SPTBN1: variants seen among roughly 807,000 people sequenced by gnomAD.
SPTBN1 encodes the protein spectrin beta, non-erythrocytic 1.
A neutral mutation model predicts 266.4 loss-of-function variants in SPTBN1; 32 were observed. The observed-to-expected ratio is 0.12, with a 90% confidence interval of 0.09 to 0.16. SPTBN1 has a LOEUF of 0.16. Among genes scored for constraint, SPTBN1 ranks in the 10% least tolerant of loss-of-function variants. SPTBN1 has a pLI of 1.00. For missense variants in SPTBN1, 2,296 were observed against 3,067.1 expected (o/e 0.75, Z 5.94); for synonymous variants, 1,336 against 1,162.2 (o/e 1.15, Z -3.04).
At chr2:54,459,883 T>C (rs902111376) in intron 1 of SPTBN1, among the ~76,000 whole-genome samples, 1 of 152,232 alleles carries the variant, frequency 6.6e-6, no homozygotes, top group African/African-American at 2.4e-5. Context: ...AGACCTAGTT[T>C]AGTACTCTGA....
In SPTBN1 at chr2:54,623,509, G is replaced by A. The variant is rs1678128263; in HGVS notation, c.1095G>A (p.Leu365=). Residue 365 remains leucine, a synonymous_variant, in exon 10 of 36, where the codon CTG becomes CTA. Transcript: ENST00000356805. ...CTGAGAAGGGGAACTTGGAAGTGCTGCTCTTCACCATTCAGAGCAAGATGA... is the reference window on the plus strand; with the variant it reads ...CTGAGAAGGGGAACTTGGAAGTGCTACTCTTCACCATTCAGAGCAAGATGA... ...KFTEKGNLEV[L]LFTIQSKMRA... The A allele has an allele frequency of 6.2e-7, 1 of 1,613,962 alleles. No homozygotes were observed. Among genetic ancestry groups the A allele is most frequent in the African/African-American group, 1.3e-5 (1 of 74,892 alleles).
At chr2:54,523,481 T>A (rs1670611046) in intron 1 of SPTBN1, among the ~76,000 whole-genome samples, 1 of 152,158 alleles carries the variant, frequency 6.6e-6, no homozygotes, top group African/African-American at 2.4e-5. Context: ...TTGGATAGCA[T>A]GTGAGAAAAC....
chr2:54,593,109 T>C (rs966461078), intron 2 of SPTBN1, among the ~76,000 whole-genome samples: 1 of 152,218 alleles, frequency 6.6e-6, no homozygotes, highest in African/African-American at 2.4e-5. Context: ...GAATCTGATG[T>C]AAATGCCACT....
intron 2 of SPTBN1, among the ~76,000 whole-genome samples, chr2:54,595,917 G>A (rs1676050944): frequency 6.6e-6 from 1 of 152,168 alleles, no homozygotes; most frequent in African/African-American, 2.4e-5. Context: ...ACTGCTAAAT[G>A]TGCCGAGGAA....
intron 2 of SPTBN1, among the ~76,000 whole-genome samples, chr2:54,586,145 G>A (rs1052045347): frequency 5.3e-5 from 8 of 152,112 alleles, no homozygotes; most frequent in Admixed American, 4.6e-4. Context: ...GTGTGGTTTG[G>A]AGACGACTTT....
rs1679684652 is a variant in SPTBN1 at position 54,643,088 on chromosome 2, G to C, written c.3964G>C (p.Glu1322Gln). The stretch of plus-strand genomic sequence containing the variant: ...GTTGAAGCATCAAGCATTTATGGCA[G>C]AACTTGCATCCAACAAAGAATGGCT... ...KWLKHQAFMAELASNKEWLDK... is the reference protein window; with the variant it reads ...KWLKHQAFMAQLASNKEWLDK... The change falls in exon 19 of 36, where the codon GAA becomes CAA. Residue 1322 changes from glutamate (E) to glutamine (Q), a missense_variant. Physicochemically the swap from Glu to Gln is conservative, Grantham distance 29. Around this residue, in one of 12 missense-constraint regions of SPTBN1, gnomAD observed 386 missense variants for 486.1 expected, o/e 0.79. Coordinates refer to ENST00000356805, the MANE Select transcript of SPTBN1 (RefSeq NM_003128.3). 2 of 1,614,212 alleles carry C rather than the reference G, an allele frequency of 1.2e-6. No homozygotes were observed. Among genetic ancestry groups the C allele is most frequent in the Non-Finnish European group, 1.7e-6 (2 of 1,180,018 alleles).
chr2:54,655,889 C>A (rs375728078), intron 28 of SPTBN1, 25 bp from the exon 29 acceptor site: 22 of 1,587,130 alleles, frequency 1.4e-5, no homozygotes, highest in Non-Finnish European at 1.9e-5. Context: ...ATTAAGATGT[C>A]CCGGGGATCC....
intron 12 of SPTBN1, among the ~76,000 whole-genome samples, chr2:54,627,258 G>A (rs779080182): frequency 6.6e-6 from 1 of 152,124 alleles, no homozygotes; most frequent in Non-Finnish European, 1.5e-5. Flanking sequence ...AGAAATGTTC[G>A]TAAAATGTAG....
chr2:54,646,663 T>C lies in SPTBN1; in HGVS notation c.4866+188T>C, dbSNP rs912857545. Among the ~76,000 whole-genome samples the C allele has an allele frequency of 6.6e-6, 1 of 152,248 alleles. No individual in the cohort carries two copies. On this transcript the variant is annotated intron_variant, in intron 23 of 35. Coordinates refer to ENST00000356805, the MANE Select transcript of SPTBN1 (RefSeq NM_003128.3). This position sits in a 1 kb window ranked among gnomAD's most constrained non-coding sequence, Gnocchi z 4.4. ...TTCCCTTTGGTGCAGCATTTTCTTA[T>C]CTGAATCCTAGTGTGCCATTAAGAA...
rs1170035361 is a variant in SPTBN1, at chr2:54,505,394, G to A, written c.-47-20978G>A. ...GTCATTATTTAAACATTGTTTCAGTGTGTGCTGTGAAAACAACAACAATAA... is the reference window on the plus strand; with the variant it reads ...GTCATTATTTAAACATTGTTTCAGTATGTGCTGTGAAAACAACAACAATAA... On this transcript the variant is annotated intron_variant, in intron 1 of 35. Coordinates refer to ENST00000356805, the MANE Select transcript of SPTBN1 (RefSeq NM_003128.3). Among the ~76,000 whole-genome samples the A allele has an allele frequency of 2.6e-5, 4 of 152,292 alleles. No homozygotes were observed. The East Asian group carries it at 7.7e-4, about 29-fold the overall frequency.
At chr2:54,620,285 C>T (rs1358861089) in intron 7 of SPTBN1, among the ~76,000 whole-genome samples, 1 of 152,048 alleles carries the variant, frequency 6.6e-6, no homozygotes, top group Admixed American at 6.5e-5. Flanking sequence ...ATACAAAGCC[C>T]CAAGGGAATA....
chr2:54,665,593 G>A (rs1444084831), intron 33 of SPTBN1, among the ~76,000 whole-genome samples: 2 of 152,170 alleles, frequency 1.3e-5, no homozygotes, highest in East Asian at 1.9e-4. Context: ...ATAAGAGGGC[G>A]CTACAGCAAA....
intron 18 of SPTBN1, among the ~76,000 whole-genome samples, chr2:54,638,882 G>A (rs764292684): frequency 3.3e-5 from 5 of 152,164 alleles, no homozygotes; most frequent in African/African-American, 1.2e-4. Context: ...AAAGAAATAC[G>A]GCTCCAGTGA....
At chr2:54,522,837 A>G (rs1670568739) in intron 1 of SPTBN1, among the ~76,000 whole-genome samples, 2 of 152,032 alleles carry the variant, frequency 1.3e-5, no homozygotes, top group African/African-American at 4.8e-5. Flanking sequence ...GGTGCGGTGG[A>G]TGTTGCAGCG....
At chr2:54,479,717 A>T (rs1050203792) in intron 1 of SPTBN1, among the ~76,000 whole-genome samples, 4 of 152,218 alleles carry the variant, frequency 2.6e-5, no homozygotes, top group African/African-American at 9.6e-5. Context: ...AAACATGTAA[A>T]GTTTTGCAAT....
intron 16 of SPTBN1, among the ~76,000 whole-genome samples, chr2:54,632,077 T>TAAAAAA (rs34563622): frequency 8.3e-6 from 1 of 120,856 alleles, no homozygotes; most frequent in Non-Finnish European, 1.7e-5. Context: ...CCCTGTCTCT[T>TAAAAAA]AAAAAAAAAA....
At position 54,460,063 on chromosome 2, in the gene SPTBN1, A is replaced by G. The variant is rs149385446; in HGVS notation, c.-48+3545A>G. Among the ~76,000 whole-genome samples the G allele has an allele frequency of 4.7e-3, 717 of 152,326 alleles. 6 individuals carry two copies. The highest frequency in any genetic ancestry group is 0.016 in the African/African-American group (681 of 41,576). The stretch of plus-strand genomic sequence containing the variant: ...TTTTCATAATGTCCTTTGCTATCAT[A>G]GTGAGGTTCACGGACCTTCAACATT... On this transcript the variant is annotated intron_variant, in intron 1 of 35. Transcript: ENST00000356805.
chr2:54,519,234 C>A (rs1480325175), intron 1 of SPTBN1, among the ~76,000 whole-genome samples: 1 of 152,134 alleles, frequency 6.6e-6, no homozygotes, highest in Admixed American at 6.5e-5. Context: ...TACCAGGCAC[C>A]CTGCTAGGAG....
intron 2 of SPTBN1, among the ~76,000 whole-genome samples, chr2:54,566,215 G>C (rs59256919): frequency 0.094 from 13,446 of 142,452 alleles, 2,012 homozygotes; most frequent in African/African-American, 0.32. Flanking sequence ...TTGAGATGGA[G>C]TGTCACTGTG....
Sources: gnomAD v4.1 joint callset for allele counts (sites outside exome capture counted in the v4.1 genomes callset) on GRCh38, gnomAD v4.1.1 for gene constraint, gnomAD v4.1.1 regional missense constraint, Gnocchi (gnomAD v3.1) non-coding constraint, MANE v1.5 for transcripts, NCBI Gene and HGNC (gene_info 2026-07-23, HGNC 2026-07-21) for gene names.